Variants in VPS45 observed in about 807,000 individuals in gnomAD.
VPS45 encodes the protein vacuolar protein sorting 45 homolog, also known as vacuolar protein sorting-associated protein 45.
In VPS45, 35 loss-of-function variants were observed where a neutral mutation model predicts 75.9. The ratio of observed to expected loss-of-function variants is 0.46; its 90% CI spans 0.35 to 0.61. VPS45 has a LOEUF of 0.61. Ranked by LOEUF, VPS45 falls within the 20% of genes least tolerant of loss-of-function variation. VPS45 has a pLI of 0.00. For missense variants in VPS45, 559 were observed against 685.9 expected (o/e 0.81, Z 2.07); for synonymous variants, 220 against 238.2 (o/e 0.92, Z 0.70).
At chr1:150,085,706 G>A (rs937904165) in intron 10 of VPS45, among the ~76,000 whole-genome samples, 2 of 151,780 alleles carry the variant, frequency 1.3e-5, no homozygotes, top group African/African-American at 2.4e-5. Context: ...GTAGAGATGG[G>A]GTTTGCTTTA....
At chr1:150,120,798 A>G (rs6677707) in intron 14 of VPS45, among the ~76,000 whole-genome samples, 6,103 of 151,972 alleles carry the variant, frequency 0.04, 410 homozygotes, top group African/African-American at 0.14. Flanking sequence ...TTAAAATAGA[A>G]GGCATGTATT....
At chr1:150,143,519 C>T (rs1659509905) in intron 14 of VPS45, among the ~76,000 whole-genome samples, 1 of 149,522 alleles carries the variant, frequency 6.7e-6, no homozygotes, top group Admixed American at 6.7e-5. Flanking sequence ...ACCTGGGAGG[C>T]AGAAGTTGCA....
intron 10 of VPS45, 59 bp from the exon 11 acceptor site, chr1:150,091,878 A>G: frequency 6.6e-7 from 1 of 1,504,410 alleles, no homozygotes; most frequent in Non-Finnish European, 9.1e-7. Context: ...GATCTAAGGC[A>G]TTGTACAACA....
intron 3 of VPS45, among the ~76,000 whole-genome samples, 166 bp from the exon 4 acceptor site, chr1:150,076,067 T>C (rs1655359755): frequency 1.4e-5 from 2 of 146,872 alleles, no homozygotes; most frequent in Non-Finnish European, 3.0e-5. Context: ...TTTTAAAATA[T>C]ATATATATAT....
intron 14 of VPS45, among the ~76,000 whole-genome samples, chr1:150,143,480 C>T (rs1195907276): frequency 4.0e-5 from 6 of 151,466 alleles, no homozygotes; most frequent in Admixed American, 2.6e-4. Flanking sequence ...CCCACCTAAT[C>T]GGGAGGCTGA....
intron 14 of VPS45, among the ~76,000 whole-genome samples, chr1:150,135,566 A>G (rs911746701): frequency 6.1e-5 from 9 of 148,296 alleles, no homozygotes; most frequent in African/African-American, 1.2e-4. Flanking sequence ...GGGCCTGGCC[A>G]GTTATGCATT....
In VPS45 at chr1:150,077,094, G is replaced by T; in HGVS notation, c.439G>T (p.Gly147Cys). The change falls in exon 6 of 15, where the codon GGT (glycine) becomes TGT (cysteine). Residue 147 changes from glycine (G) to cysteine (C), a missense_variant and splice_region_variant. Gly to Cys is a radical substitution (Grantham distance 159). Coordinates refer to ENST00000644510, the MANE Select transcript of VPS45 (RefSeq NM_007259.5). ...CTGAATATATGTTTTTAACAAAAAGGGTCGAAATTGGGATCCAGCCCAGCT... is the reference window on the plus strand; with the variant it reads ...CTGAATATATGTTTTTAACAAAAAGTGTCGAAATTGGGATCCAGCCCAGCT... ...FSLNILGCCQ[G>C]RNWDPAQLSR... is the part of the protein sequence containing the mutation. 1.2e-6 allele frequency: 2 copies of T among 1,613,632 alleles called. No homozygotes were observed. Among genetic ancestry groups the T allele is most frequent in the Non-Finnish European group, 1.7e-6 (2 of 1,179,878 alleles).
intron 9 of VPS45, 28 bp downstream of exon 9, chr1:150,082,025 A>G: frequency 7.1e-7 from 1 of 1,407,778 alleles, no homozygotes. Context: ...ATGAATGACA[A>G]ACATGTGACA....
At chr1:150,069,032 C>T (rs1432729967) in intron 2 of VPS45, among the ~76,000 whole-genome samples, 1 of 152,232 alleles carries the variant, frequency 6.6e-6, no homozygotes, top group African/African-American at 2.4e-5. Flanking sequence ...ACCCACATTA[C>T]TTTATTCCTG....
At chr1:150,128,302 T>TAAAAAAAAA (rs56026495) in intron 14 of VPS45, among the ~76,000 whole-genome samples, 2 of 145,326 alleles carry the variant, frequency 1.4e-5, no homozygotes, top group African/African-American at 2.6e-5. Context: ...ACCCTTGTCT[T>TAAAAAAAAA]AAAAAAAAAA....
chr1:150,084,054 T>C (rs1553800124), intron 10 of VPS45, among the ~76,000 whole-genome samples: 1 of 152,176 alleles, frequency 6.6e-6, no homozygotes, highest in Non-Finnish European at 1.5e-5. Flanking sequence ...AGGCAAGATT[T>C]GGATGGACCA....
chr1:150,145,130 T>C lies in VPS45; in HGVS notation c.*334T>C. 1.9e-6 allele frequency: 1 copy of C among 523,726 alleles called. No individual in the cohort carries two copies. The highest frequency in any genetic ancestry group is 1.9e-5 in the African/African-American group (1 of 53,134). 32.4% of individuals were successfully genotyped at this position (523,726 alleles called of 1,614,324 possible). ...TTAAAAAGTAATCATTTGATGTACATACCACACTCCTTGGCTTCCTTTCTC... is the reference window on the plus strand; with the variant it reads ...TTAAAAAGTAATCATTTGATGTACACACCACACTCCTTGGCTTCCTTTCTC... On this transcript the variant is annotated 3_prime_UTR_variant, in exon 15 of 15. Transcript: ENST00000644510.
At chr1:150,139,235 T>C (rs1356672830) in intron 14 of VPS45, among the ~76,000 whole-genome samples, 2 of 152,314 alleles carry the variant, frequency 1.3e-5, no homozygotes, top group East Asian at 3.9e-4. Context: ...ATGCCAGGCC[T>C]TATATGGTCT....
chr1:150,097,313 T>C (rs1656717995), intron 13 of VPS45, among the ~76,000 whole-genome samples: 1 of 151,262 alleles, frequency 6.6e-6, no homozygotes. Flanking sequence ...CTCGAACTCC[T>C]GACCTCGTGA....
intron 3 of VPS45, 34 bp from the exon 4 acceptor site, chr1:150,076,199 C>T: frequency 6.5e-7 from 1 of 1,543,788 alleles, no homozygotes; most frequent in Non-Finnish European, 8.8e-7. Context: ...CAGAAATTAT[C>T]TCCTTTGAGT....
At chr1:150,071,799 A>AAG (rs1655090552) in intron 2 of VPS45, among the ~76,000 whole-genome samples, 2 of 151,710 alleles carry the variant, frequency 1.3e-5, no homozygotes, top group African/African-American at 4.8e-5. Flanking sequence ...AAAAAAAAAA[A>AAG]AAAGAATTTT....
At chr1:150,077,882 T>C in intron 7 of VPS45, 103 bp downstream of exon 7, 1 of 904,108 alleles carries the variant, frequency 1.1e-6, no homozygotes. Flanking sequence ...TGCCTCCTTA[T>C]TTTTAGCTAT....
At chr1:150,072,874 A>G (rs371252540) in intron 3 of VPS45, among the ~76,000 whole-genome samples, 38 of 152,260 alleles carry the variant, frequency 2.5e-4, no homozygotes, top group Middle Eastern at 3.4e-3. Context: ...AAATTGAGGC[A>G]TGGAAGCTGA....
At chr1:150,139,090 C>G (rs1014468876) in intron 14 of VPS45, among the ~76,000 whole-genome samples, 15 of 152,140 alleles carry the variant, frequency 9.9e-5, no homozygotes, top group South Asian at 4.1e-4. Context: ...TCTTGTCCCC[C>G]AACACCCCCT....
Sources: gnomAD v4.1 joint callset for allele counts (sites outside exome capture counted in the v4.1 genomes callset) on GRCh38, gnomAD v4.1.1 for gene constraint, MANE v1.5 for transcripts, NCBI Gene and HGNC (gene_info 2026-07-23, HGNC 2026-07-21) for gene names.